Variants in GIMAP8 observed in about 807,000 individuals in gnomAD.
GIMAP8 encodes the protein GTPase IMAP family member 8.
A neutral mutation model predicts 35.6 loss-of-function variants in GIMAP8; 29 were observed. That is an observed-to-expected ratio of 0.81 (90% CI 0.61 to 1.11). The LOEUF is 1.11. Among genes scored for constraint, GIMAP8 ranks in the 50% most tolerant of loss-of-function variants. GIMAP8 has a pLI of 0.00. For synonymous variants in GIMAP8, 335 were observed against 308.7 expected (o/e 1.09, Z -0.89); for missense variants, 811 against 805.0 (o/e 1.01, Z -0.09).
At chr7:150,452,456 T>C (rs1449161126) in intron 1 of GIMAP8, among the ~76,000 whole-genome samples, 1 of 151,812 alleles carries the variant, frequency 6.6e-6, no homozygotes, top group Non-Finnish European at 1.5e-5. Context: ...AATTTCTTTC[T>C]TCTTCAGACC....
At chr7:150,467,379 C>G in intron 2 of GIMAP8, 45 bp downstream of exon 2, 1 of 1,502,988 alleles carries the variant, frequency 6.7e-7, no homozygotes, top group Non-Finnish European at 9.1e-7. Flanking sequence ...TGTTGCTGAA[C>G]TAGTGGGATG....
rs548993195 is a variant in GIMAP8 at position 150,454,420 on chromosome 7, G to T, written c.-29+3245G>T. 2.6e-5 allele frequency among the ~76,000 whole-genome samples: 4 copies of T among 152,286 alleles called. No homozygotes were observed. In the East Asian group the frequency reaches 5.8e-4, roughly 22 times the overall value. ...TGCAAAAGTCCAAAGAGGAGCTGAT[G>T]ACCAGTTCAATCTGGAAAAGTTAGG... On this transcript the variant is annotated intron_variant, in intron 1 of 4. Coordinates refer to ENST00000307271, the MANE Select transcript of GIMAP8 (RefSeq NM_175571.4).
chr7:150,461,451 A>G (rs1020967935), intron 1 of GIMAP8, among the ~76,000 whole-genome samples: 1 of 152,128 alleles, frequency 6.6e-6, no homozygotes, highest in Admixed American at 6.5e-5. Flanking sequence ...TGCTCAGTTG[A>G]TCTATCATTA....
At position 150,474,276 on chromosome 7, in the gene GIMAP8, T is replaced by G. The variant is rs749153970; in HGVS notation, c.947T>G (p.Val316Gly). 6.2e-7 allele frequency: 1 copy of G among 1,614,128 alleles called. No individual in the cohort carries two copies. Among genetic ancestry groups the G allele is most frequent in the South Asian group, 1.1e-5 (1 of 91,080 alleles). The change falls in exon 4 of 5, where the codon GTT becomes GGT. Residue 316 changes from valine (V) to glycine (G), a missense_variant. Physicochemically the swap from Val to Gly is moderately radical, Grantham distance 109. Transcript: ENST00000307271. ...TCTTTAAAGAACATTGACTCAGAAG[T>G]TAGAAAACACATCTGTACAGGCCCC... ...ISSLKNIDSE[V>G]RKHICTGPHA... is the part of the protein sequence containing the mutation.
At position 150,451,239 on chromosome 7, in the gene GIMAP8, G is replaced by A. The variant is rs1350147462; in HGVS notation, c.-29+64G>A. On this transcript the variant is annotated intron_variant, in intron 1 of 4. Transcript: ENST00000307271. The surrounding 1 kb of genome is among the most constrained non-coding windows in gnomAD (Gnocchi z 4.1). ...CCTCGGAGACTGTGGGACGCCGTGG[G>A]ACCCCATGGGACACGACCGCAGTGC... 6.6e-6 allele frequency: 1 copy of A among 152,308 alleles called. No homozygotes were observed. The highest frequency in any genetic ancestry group is 2.4e-5 in the African/African-American group (1 of 41,442). The allele number at this position is 152,308 out of a possible 1,614,324, so 9.4% of individuals were successfully genotyped here. A position where few individuals can be genotyped will look rare whatever the true frequency, so the allele number is the denominator to read the frequency against.
chr7:150,467,871 C>G (rs1802006017), intron 2 of GIMAP8, among the ~76,000 whole-genome samples: 1 of 152,178 alleles, frequency 6.6e-6, no homozygotes, highest in South Asian at 2.1e-4. Context: ...CCAAATCTGT[C>G]CTCTGAGTTC....
Position 150,477,863 on chromosome 7 carries a change from AG to A in GIMAP8, c.*86del. On this transcript the variant is annotated 3_prime_UTR_variant, in exon 5 of 5. Transcript: ENST00000307271. ...GCGGGGCATGGTACAACCTGTGGGA[AG>A]GGAAGCGGGTTCATGGCTTTGAGGG... 1.8e-6 allele frequency: 2 copies of A among 1,124,442 alleles called. No homozygotes were observed. Among genetic ancestry groups the A allele is most frequent in the Non-Finnish European group, 1.3e-6 (1 of 785,852 alleles). The allele number at this position is 1,124,442 out of a possible 1,614,324, so 69.7% of individuals were successfully genotyped here.
chr7:150,454,806 G>C (rs1801691367), intron 1 of GIMAP8, among the ~76,000 whole-genome samples: 1 of 152,034 alleles, frequency 6.6e-6, no homozygotes, highest in Non-Finnish European at 1.5e-5. Context: ...CTTACTTTTG[G>C]GTCAAAAAGA....
Position 150,477,531 on chromosome 7 carries a change from T to A in GIMAP8, c.1749T>A (p.Asp583Glu), listed in dbSNP as rs1160792906. The A allele has an allele frequency of 1.1e-5, 17 of 1,614,110 alleles. No homozygotes were observed. Among genetic ancestry groups the A allele is most frequent in the Non-Finnish European group, 1.4e-5 (16 of 1,180,012 alleles). ...TGGAAGACTTCATGAAGAACTCAGATAACAAAGCCCTTCGGCGCATTTTTA... is the reference window on the plus strand; with the variant it reads ...TGGAAGACTTCATGAAGAACTCAGAAAACAAAGCCCTTCGGCGCATTTTTA... ...GNLEDFMKNSDNKALRRIFKK... is the reference protein window; with the variant it reads ...GNLEDFMKNSENKALRRIFKK... Residue 583 changes from aspartate (D) to glutamate (E), a missense_variant, in exon 5 of 5, where the codon GAT becomes GAA. Coordinates refer to ENST00000307271, the MANE Select transcript of GIMAP8 (RefSeq NM_175571.4).
intron 2 of GIMAP8, among the ~76,000 whole-genome samples, chr7:150,469,456 G>A (rs1802041459): frequency 6.6e-6 from 1 of 152,170 alleles, no homozygotes; most frequent in African/African-American, 2.4e-5. Context: ...CTGTTTTGTT[G>A]ACTATAGCAT....
intron 1 of GIMAP8, among the ~76,000 whole-genome samples, chr7:150,453,193 A>C (rs1208380517): frequency 6.6e-6 from 1 of 152,250 alleles, no homozygotes; most frequent in Non-Finnish European, 1.5e-5. Flanking sequence ...GAGAGGAGAT[A>C]GGGCATTAGT....
In GIMAP8 at chr7:150,477,499, G is replaced by A; in HGVS notation, c.1717G>A (p.Gly573Arg). Residue 573 changes from glycine (G) to arginine (R), a missense_variant, in exon 5 of 5, where the codon GGG becomes AGG. Physicochemically the swap from Gly to Arg is moderately radical, Grantham distance 125. Transcript: ENST00000307271. ...CACCCGGAAGGAAGACCTAGGGGCG[G>A]GGAATTTGGAAGACTTCATGAAGAA... ...LFTRKEDLGA[G>R]NLEDFMKNSD... 1 of 1,614,176 alleles carries A rather than the reference G, an allele frequency of 6.2e-7. No homozygotes were observed. The highest frequency in any genetic ancestry group is 8.5e-7 in the Non-Finnish European group (1 of 1,180,026).
In GIMAP8 at chr7:150,467,157, T is replaced by A. The variant is rs149007858; in HGVS notation, c.459T>A (p.Pro153=). 7.1e-4 allele frequency: 1,151 copies of A among 1,614,106 alleles called. 4 individuals carry two copies. The highest frequency in any genetic ancestry group is 8.0e-4 in the Non-Finnish European group (949 of 1,180,018). ...LLQDFIEKNK[P]LKQLVQDYEG... Reference sequence around the variant, plus strand: ...AAGATTTCATTGAAAAAAACAAACCTCTCAAGCAGTTGGTTCAAGACTATG... The same window carrying A: ...AAGATTTCATTGAAAAAAACAAACCACTCAAGCAGTTGGTTCAAGACTATG... Residue 153 remains proline (P), a synonymous_variant, in exon 2 of 5, where the codon CCT becomes CCA. Transcript: ENST00000307271.
chr7:150,466,723 T>G lies in GIMAP8; in HGVS notation c.25T>G (p.Ser9Ala). 1 of 1,614,164 alleles carries G rather than the reference T, an allele frequency of 6.2e-7. No homozygotes were observed. ...CATGTCAGAGCAGAGCTGCCAGATG[T>G]CCGAACTGCGGCTCCTCCTCCTGGG... MSEQSCQM[S>A]ELRLLLLGKC... Residue 9 changes from serine (S) to alanine (A), a missense_variant, in exon 2 of 5, where the codon TCC (serine) becomes GCC (alanine). Physicochemically the swap from Ser to Ala is moderately conservative, Grantham distance 99. Transcript: ENST00000307271.
At chr7:150,470,763 T>G (rs2116610595) in intron 2 of GIMAP8, 66 bp from the exon 3 acceptor site, 4 of 717,020 alleles carry the variant, frequency 5.6e-6, no homozygotes, top group East Asian at 3.0e-5. Flanking sequence ...TTTTTTTTTT[T>G]TTTTTCAGTT....
chr7:150,465,674 G>A (rs1489644102), intron 1 of GIMAP8, among the ~76,000 whole-genome samples: 1 of 152,202 alleles, frequency 6.6e-6, no homozygotes, highest in African/African-American at 2.4e-5. Flanking sequence ...GCTACAAGTA[G>A]AGCTGACTCT....
chr7:150,451,631 T>C lies in GIMAP8; in HGVS notation c.-29+456T>C, dbSNP rs576571214. Reference sequence around the variant, plus strand: ...AAGCAGGCGGAAGCAGCCGGTCAGATGCCCCATGAAGCTAGATGGTGCCGC... The same window carrying C: ...AAGCAGGCGGAAGCAGCCGGTCAGACGCCCCATGAAGCTAGATGGTGCCGC... On this transcript the variant is annotated intron_variant, in intron 1 of 4. Transcript: ENST00000307271. The surrounding 1 kb of genome is among the most constrained non-coding windows in gnomAD (Gnocchi z 4.1). Among the ~76,000 whole-genome samples, 1 of 152,270 alleles carries C rather than the reference T, an allele frequency of 6.6e-6. No individual in the cohort carries two copies. The highest frequency in any genetic ancestry group is 1.9e-4 in the East Asian group (1 of 5,164).
Position 150,477,159 on chromosome 7 carries a change from G to C in GIMAP8, c.1377G>C (p.Leu459=). 3 of 1,614,014 alleles carry C rather than the reference G, an allele frequency of 1.9e-6. No homozygotes were observed. The highest frequency in any genetic ancestry group is 1.3e-5 in the African/African-American group (1 of 75,020). The part of the protein sequence containing the change: ...TGKSATGNSI[L]GSLVFTSRLR... ...AGAGTGCGACCGGGAACTCTATCCT[G>C]GGGAGCCTCGTCTTCACCTCTCGGC... Residue 459 remains leucine, a synonymous_variant, in exon 5 of 5, where the codon CTG becomes CTC. Coordinates refer to ENST00000307271, the MANE Select transcript of GIMAP8 (RefSeq NM_175571.4).
intron 3 of GIMAP8, among the ~76,000 whole-genome samples, chr7:150,471,604 AG>A (rs1207576033): frequency 6.6e-6 from 1 of 152,182 alleles, no homozygotes; most frequent in Non-Finnish European, 1.5e-5. Flanking sequence ...TGGGAGGCCG[AG>A]GTGGGTGGAT....
Sources: allele counts gnomAD v4.1 joint callset (sites outside exome capture counted in the v4.1 genomes callset), GRCh38; gene constraint gnomAD v4.1.1; non-coding constraint Gnocchi (gnomAD v3.1); transcripts MANE v1.5; gene names NCBI Gene and HGNC (gene_info 2026-07-23, HGNC 2026-07-21).